The following PGS1 variants were observed in gnomAD, a reference collection of about 807,000 sequenced individuals.
PGS1 encodes the protein CDP-diacylglycerol--glycerol-3-phosphate 3-phosphatidyltransferase, mitochondrial.
Under a neutral mutation model 58.3 loss-of-function variants are expected in PGS1, and 44 were observed. The observed-to-expected ratio is 0.75, with a 90% CI of 0.59 to 0.97. The LOEUF is 0.97. PGS1 is among the 50% of genes least tolerant of loss of function. PGS1 has a pLI of 0.00. For missense variants in PGS1, 684 were observed against 731.1 expected (o/e 0.94, Z 0.74); for synonymous variants, 330 against 311.0 (o/e 1.06, Z -0.64).
intron 7 of PGS1, among the ~76,000 whole-genome samples, chr17:78,414,428 G>A (rs1047562252): frequency 6.6e-6 from 1 of 152,224 alleles, no homozygotes; most frequent in African/African-American, 2.4e-5. Flanking sequence ...GGCCAGTGCA[G>A]GCTCTGAGCT....
chr17:78,392,591 G>A lies in PGS1; in HGVS notation c.259G>A (p.Val87Ile). 6.2e-7 allele frequency: 1 copy of A among 1,614,184 alleles called. No homozygotes were observed. Reference protein sequence around the residue: ...VHRFQWIRNLVPEFGVSSSHV... With the variant: ...VHRFQWIRNLIPEFGVSSSHV... The stretch of plus-strand genomic sequence containing the variant: ...CCGGTTCCAGTGGATCAGAAACCTG[G>A]TTCCAGAATTTGGAGTCTCCAGTTC... Residue 87 changes from valine to isoleucine, a missense_variant, in exon 2 of 10, where the codon GTT becomes ATT. Transcript: ENST00000262764.
chr17:78,398,245 T>C lies in PGS1; in HGVS notation c.412-7T>C, dbSNP rs763089960. The C allele has an allele frequency of 4.1e-5, 65 of 1,598,682 alleles. No individual in the cohort carries two copies. Among genetic ancestry groups the C allele is most frequent in the Non-Finnish European group, 5.5e-5 (64 of 1,166,006 alleles). ...TTAATCTTCTTTTCTGTGTTCTTTC[T>C]TGGTAGGTGGACTGCCTGGAAAGTA... On this transcript the variant is annotated splice_polypyrimidine_tract_variant and splice_region_variant and intron_variant, in intron 3 of 9. Transcript: ENST00000262764.
chr17:78,424,151 C>T lies in PGS1; in HGVS notation c.*101C>T. ...ACTCCAGTCTGGGTGTCCCAGCGAG[C>T]CCCTGCAGGGACAGTATGGCTGAGG... On this transcript the variant is annotated 3_prime_UTR_variant, in exon 10 of 10. Transcript: ENST00000262764. The T allele has an allele frequency of 6.2e-7, 1 of 1,609,632 alleles. No homozygotes were observed.
At chr17:78,385,443 C>T (rs1175081758) in intron 1 of PGS1, among the ~76,000 whole-genome samples, 1 of 152,198 alleles carries the variant, frequency 6.6e-6, no homozygotes, top group Non-Finnish European at 1.5e-5. Context: ...TGCCTGCCAC[C>T]AGGCCCGGCT....
chr17:78,416,812 C>G (rs2085231018), intron 8 of PGS1, among the ~76,000 whole-genome samples: 1 of 152,104 alleles, frequency 6.6e-6, no homozygotes, highest in Non-Finnish European at 1.5e-5. Context: ...ACTGGGACGG[C>G]AGCTGCTCTC....
In PGS1 at chr17:78,403,515, A is replaced by G. The variant is rs2083864172; in HGVS notation, c.881-53A>G. 1.9e-6 allele frequency: 3 copies of G among 1,560,022 alleles called. No homozygotes were observed. In the Admixed American group the frequency reaches 5.2e-5, roughly 27 times the overall value. ...ATGCCCTGTCCCCTGAGCTGGGCAGAGTCCAGACCCTCCATTTCTCTTCCC... is the reference window on the plus strand; with the variant it reads ...ATGCCCTGTCCCCTGAGCTGGGCAGGGTCCAGACCCTCCATTTCTCTTCCC... On this transcript the variant is annotated intron_variant, in intron 6 of 9. Coordinates refer to ENST00000262764, the MANE Select transcript of PGS1 (RefSeq NM_024419.5).
chr17:78,405,443 A>G (rs1202507649), intron 7 of PGS1, among the ~76,000 whole-genome samples: 1 of 152,138 alleles, frequency 6.6e-6, no homozygotes, highest in Non-Finnish European at 1.5e-5. Context: ...TAGCTGAGGA[A>G]ATGGAGGCTC....
At chr17:78,419,958 C>T in intron 9 of PGS1, 1 of 1,195,032 alleles carries the variant, frequency 8.4e-7, no homozygotes, top group East Asian at 5.4e-5. Context: ...TCTGCTCTCC[C>T]TTCCCAGGGG....
At chr17:78,415,058 C>A in intron 8 of PGS1, 31 bp downstream of exon 8, 1 of 1,575,978 alleles carries the variant, frequency 6.3e-7, no homozygotes, top group Non-Finnish European at 8.6e-7. Context: ...TTTCCCAGGG[C>A]GCTGAGGGTG....
chr17:78,403,279 G>C (rs2083841060), intron 6 of PGS1, among the ~76,000 whole-genome samples: 1 of 151,470 alleles, frequency 6.6e-6, no homozygotes, highest in African/African-American at 2.4e-5. Flanking sequence ...CTCCCTGTCA[G>C]TTTGTCTTGC....
chr17:78,379,578 C>T (rs1031504744), intron 1 of PGS1, among the ~76,000 whole-genome samples: 10 of 152,058 alleles, frequency 6.6e-5, no homozygotes, highest in Non-Finnish European at 1.2e-4. Flanking sequence ...GTAATTCCAG[C>T]ACTTTGGGAG....
At chr17:78,389,236 G>C (rs1176643599) in intron 1 of PGS1, among the ~76,000 whole-genome samples, 1 of 151,576 alleles carries the variant, frequency 6.6e-6, no homozygotes, top group Non-Finnish European at 1.5e-5. Context: ...GCCTAGGCTG[G>C]AGTGCAGCGG....
rs1187692365 is a variant in PGS1 at position 78,424,076 on chromosome 17, A to T, written c.*26A>T. The T allele has an allele frequency of 2.5e-6, 4 of 1,613,910 alleles. No homozygotes were observed. Among genetic ancestry groups the T allele is most frequent in the Non-Finnish European group, 3.4e-6 (4 of 1,179,890 alleles). On this transcript the variant is annotated 3_prime_UTR_variant, in exon 10 of 10. Coordinates refer to ENST00000262764, the MANE Select transcript of PGS1 (RefSeq NM_024419.5). ...CGGTCCACAGGAATGGCCTTGATGA[A>T]GATGACAGGCATGGCCGGGGTCAGC... is the stretch of plus-strand genomic sequence containing the variant.
intron 3 of PGS1, among the ~76,000 whole-genome samples, chr17:78,397,594 C>CCCCG (rs10642898): frequency 6.6e-5 from 10 of 151,666 alleles, no homozygotes; most frequent in African/African-American, 2.4e-4. Context: ...GCGCCACCCC[C>CCCCG]CCAGCTAATT....
chr17:78,391,379 A>G lies in PGS1; in HGVS notation c.144-1097A>G, dbSNP rs550124671. Among the ~76,000 whole-genome samples, 103 of 152,214 alleles carry G rather than the reference A, an allele frequency of 6.8e-4. 1 individual carries two copies. Among genetic ancestry groups the G allele is most frequent in the African/African-American group, 2.5e-3 (102 of 41,520 alleles). ...GCCACCCAGGCTGGAATGCAATGGC[A>G]TGATCATAGCTGGGAGAACAGCCTT... is the stretch of plus-strand genomic sequence containing the variant. On this transcript the variant is annotated intron_variant, in intron 1 of 9. Coordinates refer to ENST00000262764, the MANE Select transcript of PGS1 (RefSeq NM_024419.5).
In PGS1 at chr17:78,424,463, C is replaced by T. The variant is rs964935162; in HGVS notation, c.*413C>T. The T allele has an allele frequency of 1.5e-5, 5 of 343,414 alleles. No individual in the cohort carries two copies. The highest frequency in any genetic ancestry group is 2.7e-5 in the Non-Finnish European group (5 of 186,038). 21.3% of individuals were successfully genotyped at this position (343,414 alleles called of 1,614,324 possible). On this transcript the variant is annotated 3_prime_UTR_variant, in exon 10 of 10. Coordinates refer to ENST00000262764, the MANE Select transcript of PGS1 (RefSeq NM_024419.5). ...TGTCAGTGGCAGGAAGTCATAACTC[C>T]AGCTAAAAATTACAGAGTAAAGTTC... is the stretch of plus-strand genomic sequence containing the variant.
chr17:78,401,787 G>C (rs559448587), intron 6 of PGS1, among the ~76,000 whole-genome samples: 1 of 152,358 alleles, frequency 6.6e-6, no homozygotes, highest in South Asian at 2.1e-4. Flanking sequence ...AGCTTGTGGA[G>C]CTCTGTATCT....
chr17:78,419,533 T>C lies in PGS1; in HGVS notation c.1552-13T>C. 6.2e-7 allele frequency: 1 copy of C among 1,612,708 alleles called. No individual in the cohort carries two copies. The highest frequency in any genetic ancestry group is 8.5e-7 in the Non-Finnish European group (1 of 1,179,030). ...GGGACTCCTCACTATTCCTGTCTGT[T>C]CCTCTTCCTCAGGAGCAAGAGCAGC... On this transcript the variant is annotated splice_polypyrimidine_tract_variant and intron_variant, in intron 8 of 9. Coordinates refer to ENST00000262764, the MANE Select transcript of PGS1 (RefSeq NM_024419.5).
At chr17:78,394,561 TC>T (rs1410661911) in intron 2 of PGS1, among the ~76,000 whole-genome samples, 1 of 151,818 alleles carries the variant, frequency 6.6e-6, no homozygotes, top group Non-Finnish European at 1.5e-5. Context: ...TCTTTTCTTT[TC>T]TTTTTTTTTT....
Sources: allele counts gnomAD v4.1 joint callset (sites outside exome capture counted in the v4.1 genomes callset), GRCh38; gene constraint gnomAD v4.1.1; transcripts MANE v1.5; gene names NCBI Gene and HGNC (gene_info 2026-07-23, HGNC 2026-07-21).